Variants in TMEM132C observed in about 807,000 individuals in gnomAD.
TMEM132C encodes the protein transmembrane protein 132C, also known as protein phosphatase 1, regulatory subunit 152.
Under a neutral mutation model 61.4 loss-of-function variants are expected in TMEM132C, and 29 were observed. That is an observed-to-expected ratio of 0.47 (90% CI 0.35 to 0.64). The LOEUF is 0.64. TMEM132C is among the 30% of genes least tolerant of loss of function. TMEM132C has a pLI of 0.00. For synonymous variants in TMEM132C, 656 were observed against 633.1 expected, an observed-to-expected ratio of 1.04 and a Z score of -0.54; for missense variants, 1,408 against 1,476.9, an observed-to-expected ratio of 0.95 and a Z score of 0.76.
chr12:128,407,816 A>T (rs559577164), intron 1 of TMEM132C, among the ~76,000 whole-genome samples: 2 of 152,326 alleles, frequency 1.3e-5, no homozygotes, highest in Admixed American at 1.3e-4. Flanking sequence ...CCACCTCTTG[A>T]TGGGAGAACT....
chr12:128,271,276 A>C, intron 1 of TMEM132C, among the ~76,000 whole-genome samples: 1 of 33,226 alleles, frequency 3.0e-5, no homozygotes, highest in African/African-American at 3.4e-4. Flanking sequence ...ATATAATAAT[A>C]ATAATAATAA....
intron 4 of TMEM132C, among the ~76,000 whole-genome samples, chr12:128,620,140 G>A (rs568557232): frequency 6.6e-6 from 1 of 151,186 alleles, no homozygotes; most frequent in East Asian, 2.0e-4. Flanking sequence ...GCTGAGGTGG[G>A]AGGATCGCTT....
At chr12:128,696,167 A>T in intron 7 of TMEM132C, 64 bp downstream of exon 7, 1 of 1,504,978 alleles carries the variant, frequency 6.6e-7, no homozygotes, top group Non-Finnish European at 8.9e-7. Flanking sequence ...AGGGAGAGTC[A>T]ATGGGTGGGC....
chr12:128,290,452 G>A (rs938757531), intron 1 of TMEM132C, among the ~76,000 whole-genome samples: 1 of 152,046 alleles, frequency 6.6e-6, no homozygotes, highest in African/African-American at 2.4e-5. Context: ...ATTCACCCCC[G>A]ACCAGGTCCC....
intron 3 of TMEM132C, among the ~76,000 whole-genome samples, chr12:128,614,466 A>G (rs1876733325): frequency 1.3e-5 from 2 of 152,160 alleles, no homozygotes; most frequent in Non-Finnish European, 2.9e-5. Flanking sequence ...ACAAATTAAA[A>G]AAAAAAACTG....
chr12:128,568,076 C>T (rs949622287), intron 3 of TMEM132C, among the ~76,000 whole-genome samples: 6 of 152,190 alleles, frequency 3.9e-5, no homozygotes, highest in African/African-American at 1.2e-4. Flanking sequence ...CACAGTGCCT[C>T]GGTGTGCAGA....
chr12:128,553,775 C>T (rs1328422597), intron 3 of TMEM132C, among the ~76,000 whole-genome samples: 1 of 152,132 alleles, frequency 6.6e-6, no homozygotes, highest in Non-Finnish European at 1.5e-5. Context: ...ATTTTGTCAC[C>T]CCTCTCCTGG....
chr12:128,642,607 A>G (rs969485883), intron 4 of TMEM132C, among the ~76,000 whole-genome samples: 2 of 152,134 alleles, frequency 1.3e-5, no homozygotes, highest in African/African-American at 4.8e-5. Flanking sequence ...CTCTCTCGCC[A>G]TGTGATGCCA....
chr12:128,631,136 G>A (rs1485114634), intron 4 of TMEM132C, among the ~76,000 whole-genome samples: 4 of 152,248 alleles, frequency 2.6e-5, no homozygotes, highest in Admixed American at 6.5e-5. Context: ...AGAAACAGAC[G>A]AAGCAGTGTT....
chr12:128,371,480 G>A (rs960135292), intron 1 of TMEM132C, among the ~76,000 whole-genome samples: 3 of 152,194 alleles, frequency 2.0e-5, no homozygotes, highest in African/African-American at 7.2e-5. Context: ...TGTTGAGGGA[G>A]AAGCATACTC....
At chr12:128,460,331 A>G (rs1279863100) in intron 2 of TMEM132C, among the ~76,000 whole-genome samples, 1 of 152,196 alleles carries the variant, frequency 6.6e-6, no homozygotes, top group Non-Finnish European at 1.5e-5. Flanking sequence ...TGATGGCTTC[A>G]TTCTCAGGCA....
intron 1 of TMEM132C, among the ~76,000 whole-genome samples, chr12:128,345,723 T>C (rs996491750): frequency 2.0e-5 from 3 of 152,212 alleles, no homozygotes; most frequent in Admixed American, 6.5e-5. Flanking sequence ...TTTTGAGAAG[T>C]TCCTGTTTAT....
chr12:128,622,832 C>T (rs1953980948), intron 4 of TMEM132C, among the ~76,000 whole-genome samples: 1 of 152,136 alleles, frequency 6.6e-6, no homozygotes, highest in Non-Finnish European at 1.5e-5. Context: ...AAAAACATCT[C>T]GTCCTGATCT....
At position 128,468,474 on chromosome 12, in the gene TMEM132C, C is replaced by T. The variant is rs552813260; in HGVS notation, c.974+52854C>T. 7.9e-5 allele frequency among the ~76,000 whole-genome samples: 12 copies of T among 152,228 alleles called. No individual in the cohort carries two copies. In the South Asian group the frequency reaches 2.1e-3, roughly 26 times the overall value. Reference sequence around the variant, plus strand: ...CTGGGATTATAGGCATGCACCACCACGCCAGGCTAATTTTGTATTTTTTTA... The same window carrying T: ...CTGGGATTATAGGCATGCACCACCATGCCAGGCTAATTTTGTATTTTTTTA... On this transcript the variant is annotated intron_variant, in intron 2 of 8. Transcript: ENST00000435159.
intron 2 of TMEM132C, among the ~76,000 whole-genome samples, chr12:128,535,353 A>G (rs1417631313): frequency 6.7e-6 from 1 of 149,706 alleles, no homozygotes; most frequent in African/African-American, 2.4e-5. Flanking sequence ...ACAAAGGGCT[A>G]ATATCCAGAA....
At chr12:128,556,801 T>G (rs915501647) in intron 3 of TMEM132C, among the ~76,000 whole-genome samples, 1 of 152,066 alleles carries the variant, frequency 6.6e-6, no homozygotes, top group Non-Finnish European at 1.5e-5. Flanking sequence ...GCCTTGTGAA[T>G]AGAGCATGGT....
At chr12:128,337,262 A>C (rs1170507851) in intron 1 of TMEM132C, among the ~76,000 whole-genome samples, 4 of 152,012 alleles carry the variant, frequency 2.6e-5, no homozygotes, top group South Asian at 2.1e-4. Flanking sequence ...TATTATATTC[A>C]ATGGGGGAAT....
chr12:128,508,034 C>T (rs1393489706), intron 2 of TMEM132C, among the ~76,000 whole-genome samples: 1 of 152,202 alleles, frequency 6.6e-6, no homozygotes, highest in South Asian at 2.1e-4. Context: ...TCTGGAGTCA[C>T]CTTGACACCC....
At chr12:128,665,838 AAC>A (rs1358239312) in intron 4 of TMEM132C, among the ~76,000 whole-genome samples, 3 of 40,192 alleles carry the variant, frequency 7.5e-5, no homozygotes, top group African/African-American at 2.2e-4. Flanking sequence ...CACTCACACA[AAC>A]ACAGGCACAC....
Sources: gnomAD v4.1 joint callset for allele counts (sites outside exome capture counted in the v4.1 genomes callset) on GRCh38, gnomAD v4.1.1 for gene constraint, MANE v1.5 for transcripts, NCBI Gene and HGNC (gene_info 2026-07-23, HGNC 2026-07-21) for gene names.